Variants in ADGRL3 observed in about 807,000 individuals in gnomAD.
ADGRL3 encodes adhesion G protein-coupled receptor L3.
A neutral mutation model predicts 153.5 loss-of-function variants in ADGRL3; 62 were observed. The ratio of observed to expected loss-of-function variants is 0.40; its 90% CI spans 0.33 to 0.50. ADGRL3 has a LOEUF of 0.50. Among genes scored for constraint, ADGRL3 ranks in the 20% least tolerant of loss-of-function variants. The probability of loss-of-function intolerance (pLI) is 0.47; values close to 1 mark genes in which losing one functional copy is unlikely to be tolerated. For synonymous variants in ADGRL3, 710 were observed against 672.5 expected (o/e 1.06, Z -0.86); for missense variants, 1,641 against 1,859.4 (o/e 0.88, Z 2.16).
chr4:61,281,422 A>G (rs1433728450), intron 1 of ADGRL3, among the ~76,000 whole-genome samples: 4 of 152,154 alleles, frequency 2.6e-5, no homozygotes, highest in Admixed American at 1.3e-4. Context: ...TGTAGGCTCT[A>G]ATGAGAACTA....
chr4:61,601,201 A>C (rs984952878), intron 5 of ADGRL3, among the ~76,000 whole-genome samples: 4 of 152,172 alleles, frequency 2.6e-5, no homozygotes, highest in African/African-American at 9.7e-5. Flanking sequence ...TGTGTTACCG[A>C]ATGCGCCAAA....
intron 3 of ADGRL3, among the ~76,000 whole-genome samples, chr4:61,504,596 T>C (rs1025343230): frequency 6.6e-6 from 1 of 152,192 alleles, no homozygotes; most frequent in Non-Finnish European, 1.5e-5. Flanking sequence ...CACTAGATCT[T>C]ATTCCCTCTA....
chr4:61,492,578 A>T (rs1560724181), intron 2 of ADGRL3, among the ~76,000 whole-genome samples: 1 of 152,164 alleles, frequency 6.6e-6, no homozygotes, highest in Non-Finnish European at 1.5e-5. Flanking sequence ...ATATTAAAAA[A>T]TAAAACTGGG....
At chr4:61,863,865 T>C (rs6813630) in intron 9 of ADGRL3, among the ~76,000 whole-genome samples, 12,030 of 152,284 alleles carry the variant, frequency 0.079, 525 homozygotes, top group Non-Finnish European at 0.1. Context: ...CAAAAGCTGA[T>C]TTTTCAAAGG....
intron 6 of ADGRL3, among the ~76,000 whole-genome samples, chr4:61,709,476 A>G (rs1295465976): frequency 6.6e-6 from 1 of 152,172 alleles, no homozygotes; most frequent in East Asian, 1.9e-4. Context: ...GTTAGTTTCC[A>G]AACATCTGTG....
chr4:62,000,055 G>T (rs934484862), intron 21 of ADGRL3, among the ~76,000 whole-genome samples: 3 of 151,862 alleles, frequency 2.0e-5, no homozygotes, highest in Admixed American at 6.6e-5. Context: ...TTATCATATT[G>T]TACTTTTACC....
intron 4 of ADGRL3, among the ~76,000 whole-genome samples, chr4:61,583,395 G>T (rs1579672154): frequency 6.6e-6 from 1 of 152,030 alleles, no homozygotes; most frequent in Non-Finnish European, 1.5e-5. Flanking sequence ...GTAGGGGAGA[G>T]ACCCCAAGGA....
intron 1 of ADGRL3, among the ~76,000 whole-genome samples, chr4:61,214,119 A>G (rs574397681): frequency 6.6e-6 from 1 of 152,206 alleles, no homozygotes. Context: ...ATTCTTAAGA[A>G]TTACTAATGC....
chr4:61,970,264 A>T (rs573770220), intron 17 of ADGRL3, among the ~76,000 whole-genome samples: 1 of 152,130 alleles, frequency 6.6e-6, no homozygotes, highest in Non-Finnish European at 1.5e-5. Flanking sequence ...TATCATCATT[A>T]GTCACTTTAT....
At chr4:61,930,048 C>A (rs1049875745) in intron 13 of ADGRL3, among the ~76,000 whole-genome samples, 1 of 151,772 alleles carries the variant, frequency 6.6e-6, no homozygotes, top group Non-Finnish European at 1.5e-5. Flanking sequence ...TGGTGACGGG[C>A]GCCTGTAGTC....
chr4:61,321,394 A>C (rs183551858), intron 1 of ADGRL3, among the ~76,000 whole-genome samples: 1 of 152,286 alleles, frequency 6.6e-6, no homozygotes, highest in East Asian at 1.9e-4. Flanking sequence ...TGTAAGTTGA[A>C]CTAACTATTC....
At chr4:61,577,509 C>T (rs1278564407) in intron 4 of ADGRL3, among the ~76,000 whole-genome samples, 2 of 151,994 alleles carry the variant, frequency 1.3e-5, no homozygotes, top group East Asian at 3.9e-4. Context: ...TGTTTATATA[C>T]TGCTATGAAA....
chr4:61,592,086 A>AAT, intron 5 of ADGRL3, among the ~76,000 whole-genome samples: 1 of 151,666 alleles, frequency 6.6e-6, no homozygotes. Flanking sequence ...AAAAAAAAAA[A>AAT]AAAAATAGAG....
intron 8 of ADGRL3, among the ~76,000 whole-genome samples, chr4:61,737,393 T>C (rs1201453837): frequency 1.3e-5 from 2 of 152,160 alleles, no homozygotes; most frequent in Non-Finnish European, 2.9e-5. Flanking sequence ...TATACTTCTC[T>C]TGGGTATATA....
In ADGRL3 at chr4:61,983,399, T is replaced by C. The variant is rs2099075255; in HGVS notation, c.3032T>C (p.Phe1011Ser). 1 of 1,613,674 alleles carries C rather than the reference T, an allele frequency of 6.2e-7. No individual in the cohort carries two copies. Among genetic ancestry groups the C allele is most frequent in the Admixed American group, 1.7e-5 (1 of 59,950 alleles). The change falls in exon 19 of 27, where the codon TTC becomes TCC. Residue 1011 changes from phenylalanine to serine, a missense_variant. Physicochemically the swap from Phe to Ser is radical, Grantham distance 155. Coordinates refer to ENST00000683033, the MANE Select transcript of ADGRL3 (RefSeq NM_001387552.1). ...RTDQPIACAVFAALLHFFFLA... is the reference protein window; with the variant it reads ...RTDQPIACAVSAALLHFFFLA... ...TTTTCCTAGATTGCCTGTGCTGTTTTCGCTGCCCTGTTACATTTCTTCTTC... is the reference window on the plus strand; with the variant it reads ...TTTTCCTAGATTGCCTGTGCTGTTTCCGCTGCCCTGTTACATTTCTTCTTC...
chr4:61,332,750 T>C (rs2095599157), intron 1 of ADGRL3, among the ~76,000 whole-genome samples: 1 of 152,044 alleles, frequency 6.6e-6, no homozygotes, highest in Non-Finnish European at 1.5e-5. Context: ...ATAGAAAGAT[T>C]AGTTCAGGTA....
chr4:61,317,461 G>A (rs2095249212), intron 1 of ADGRL3, among the ~76,000 whole-genome samples: 1 of 152,122 alleles, frequency 6.6e-6, no homozygotes, highest in South Asian at 2.1e-4. Flanking sequence ...CATTCATTAT[G>A]TACTGCCAAG....
intron 8 of ADGRL3, among the ~76,000 whole-genome samples, chr4:61,790,926 A>C (rs1452066388): frequency 6.6e-6 from 1 of 152,150 alleles, no homozygotes; most frequent in African/African-American, 2.4e-5. Flanking sequence ...AGTCACTACC[A>C]TGAAAATAGC....
At chr4:61,805,081 C>T (rs145417214) in intron 8 of ADGRL3, among the ~76,000 whole-genome samples, 14,250 of 151,554 alleles carry the variant, frequency 0.094, 742 homozygotes, top group Middle Eastern at 0.15. Flanking sequence ...TCAGCCTCCC[C>T]AGTAGCTGGG....
Sources: allele counts gnomAD v4.1 joint callset (sites outside exome capture counted in the v4.1 genomes callset), GRCh38; gene constraint gnomAD v4.1.1; transcripts MANE v1.5; gene names NCBI Gene and HGNC (gene_info 2026-07-23, HGNC 2026-07-21).